Variants in DLG2 observed in about 807,000 individuals in gnomAD.
The protein encoded by DLG2 is disks large homolog 2.
In DLG2, 45 loss-of-function variants were observed where a neutral mutation model predicts 132.5. That is an observed-to-expected ratio of 0.34 (90% CI 0.27 to 0.44). The LOEUF (loss-of-function observed/expected upper bound fraction) is 0.44, where lower values mean the gene tolerates loss of function less well. Among genes scored for constraint, DLG2 ranks in the 20% least tolerant of loss-of-function variants. The probability of loss-of-function intolerance (pLI) is 1.00; values close to 1 mark genes in which losing one functional copy is unlikely to be tolerated. For missense variants in DLG2, 1,045 were observed against 1,196.9 expected (o/e 0.87, Z 1.87); for synonymous variants, 424 against 419.6 (o/e 1.01, Z -0.13).
In DLG2 at chr11:85,264,530, G is replaced by T. The variant is rs558068379; in HGVS notation, c.186+20690C>A. On this transcript the variant is annotated intron_variant, in intron 4 of 27. Coordinates refer to ENST00000376104, the MANE Select transcript of DLG2 (RefSeq NM_001142699.3). ...GCCAGCCATCATTAGATACATTTTT[G>T]ATTGAAAATGGTTAATACTCAGTTT... Among the ~76,000 whole-genome samples, 6 of 152,244 alleles carry T rather than the reference G, an allele frequency of 3.9e-5. No individual in the cohort carries two copies. The South Asian group carries it at 8.3e-4, about 21-fold the overall frequency.
At chr11:84,606,702 G>T (rs995819674) in intron 6 of DLG2, among the ~76,000 whole-genome samples, 1 of 152,046 alleles carries the variant, frequency 6.6e-6, no homozygotes, top group Admixed American at 6.6e-5. Flanking sequence ...AAGTGCACTC[G>T]CATTATGAAA....
intron 15 of DLG2, among the ~76,000 whole-genome samples, chr11:83,909,092 G>A (rs2075585330): frequency 6.6e-6 from 1 of 152,136 alleles, no homozygotes; most frequent in Admixed American, 6.6e-5. Flanking sequence ...GTATCATCTT[G>A]AAGGAATGAA....
chr11:84,992,439 A>G (rs1477122738), intron 6 of DLG2, among the ~76,000 whole-genome samples: 1 of 152,240 alleles, frequency 6.6e-6, no homozygotes, highest in Non-Finnish European at 1.5e-5. Flanking sequence ...TGTTATGCTT[A>G]AAGAAGATAC....
chr11:85,345,120 A>G (rs1233599154), intron 3 of DLG2, among the ~76,000 whole-genome samples: 1 of 152,150 alleles, frequency 6.6e-6, no homozygotes, highest in Non-Finnish European at 1.5e-5. Flanking sequence ...AAAAGCCAAC[A>G]CTGTGAAAAT....
rs766162464 is a variant in DLG2, at chr11:84,400,019, G to A, written c.519+134551C>T. On this transcript the variant is annotated intron_variant, in intron 7 of 27. Transcript: ENST00000376104. ...ACTATGGTAGATCCTCAACAGCTCAGTTAATACATGTTTGAAAATTCTGCT... is the reference window on the plus strand; with the variant it reads ...ACTATGGTAGATCCTCAACAGCTCAATTAATACATGTTTGAAAATTCTGCT... Among the ~76,000 whole-genome samples the A allele has an allele frequency of 3.9e-5, 6 of 152,306 alleles. No homozygotes were observed. In the South Asian group the frequency reaches 8.3e-4, roughly 21 times the overall value.
chr11:83,671,486 C>G (rs896853478), intron 18 of DLG2, among the ~76,000 whole-genome samples: 31 of 152,026 alleles, frequency 2.0e-4, no homozygotes, highest in Admixed American at 4.6e-4. Context: ...CTAATGAGCT[C>G]CCTCTGGTGA....
In DLG2 at chr11:85,468,617, C is replaced by T. The variant is rs527662962; in HGVS notation, c.40+130040G>A. On this transcript the variant is annotated intron_variant, in intron 3 of 27. Transcript: ENST00000376104. Reference sequence around the variant, plus strand: ...GTTGTTCAGTTTCCATGTAGTTGAGCGGTTTTGAGTGAGTTTCTTAATCTT... The same window carrying T: ...GTTGTTCAGTTTCCATGTAGTTGAGTGGTTTTGAGTGAGTTTCTTAATCTT... Among the ~76,000 whole-genome samples, 303 of 152,158 alleles carry T rather than the reference C, an allele frequency of 2.0e-3. 2 individuals are homozygous for T. Among genetic ancestry groups the T allele is most frequent in the Admixed American group, 5.1e-3 (78 of 15,256 alleles).
intron 11 of DLG2, among the ~76,000 whole-genome samples, chr11:84,058,223 G>A (rs1454723462): frequency 6.6e-6 from 1 of 152,086 alleles, no homozygotes; most frequent in African/African-American, 2.4e-5. Flanking sequence ...AAAGAGTACA[G>A]TGATTATTTG....
At chr11:83,893,454 G>A (rs966284388) in intron 15 of DLG2, among the ~76,000 whole-genome samples, 5 of 152,032 alleles carry the variant, frequency 3.3e-5, no homozygotes, top group African/African-American at 7.3e-5. Context: ...AGATATTTTC[G>A]CTAGTTCTCT....
At chr11:84,034,052 G>A (rs1825330) in intron 11 of DLG2, among the ~76,000 whole-genome samples, 2,552 of 152,102 alleles carry the variant, frequency 0.017, 26 homozygotes, top group Non-Finnish European at 0.025. Context: ...TTGCACTCCA[G>A]CCCGGGCAAC....
intron 7 of DLG2, among the ~76,000 whole-genome samples, chr11:84,410,574 CTTTTTTTTTT>C (rs367980167): frequency 3.7e-5 from 4 of 109,126 alleles, no homozygotes; most frequent in African/African-American, 1.4e-4. Flanking sequence ...ACCACATAAA[CTTTTTTTTTT>C]TTTTTTTTTT....
At chr11:83,463,565 G>C (rs1232116953) in intron 26 of DLG2, among the ~76,000 whole-genome samples, 2 of 152,200 alleles carry the variant, frequency 1.3e-5, no homozygotes, top group Non-Finnish European at 2.9e-5. Flanking sequence ...GAGGCAGGTG[G>C]ATCACTTGTG....
intron 5 of DLG2, among the ~76,000 whole-genome samples, chr11:85,150,010 ATTTTTTTT>A (rs962380618): frequency 4.5e-5 from 5 of 112,304 alleles, no homozygotes; most frequent in South Asian, 5.7e-4. Context: ...TCAGTTTTTA[ATTTTTTTT>A]TTTTTTTTTT....
At chr11:84,327,548 T>A (rs2098438583) in intron 7 of DLG2, among the ~76,000 whole-genome samples, 1 of 152,174 alleles carries the variant, frequency 6.6e-6, no homozygotes, top group South Asian at 2.1e-4. Flanking sequence ...TTCTCTCTTG[T>A]TGCTTTTGAT....
At position 83,908,198 on chromosome 11, in the gene DLG2, A is replaced by G. The variant is rs1295308698; in HGVS notation, c.1496+22130T>C. The stretch of plus-strand genomic sequence containing the variant: ...TCTAAGTATCCGTATACTTATTGCC[A>G]TCTGGCAAAGAATAAGCTTTTAATG... On this transcript the variant is annotated intron_variant, in intron 15 of 27. Transcript: ENST00000376104. Among the ~76,000 whole-genome samples, 4 of 152,190 alleles carry G rather than the reference A, an allele frequency of 2.6e-5. No individual in the cohort carries two copies. The East Asian group carries it at 7.7e-4, about 29-fold the overall frequency.
At chr11:83,781,812 A>C (rs545857209) in intron 18 of DLG2, among the ~76,000 whole-genome samples, 1 of 152,274 alleles carries the variant, frequency 6.6e-6, no homozygotes, top group South Asian at 2.1e-4. Flanking sequence ...TTTCAAACCT[A>C]ATCAGTTATC....
intron 6 of DLG2, among the ~76,000 whole-genome samples, chr11:84,918,409 AGATATAGACAC>A (rs2092595907): frequency 6.6e-6 from 1 of 152,160 alleles, no homozygotes; most frequent in Admixed American, 6.5e-5. Flanking sequence ...CTTCGAAGAT[AGATATAGACAC>A]CCTGTACTGT....
At chr11:83,502,154 T>C (rs11233643) in intron 21 of DLG2, among the ~76,000 whole-genome samples, 51,233 of 152,028 alleles carry the variant, frequency 0.34, 8,860 homozygotes, top group Middle Eastern at 0.45. Flanking sequence ...TTTCCACATA[T>C]CAAGTCCTAT....
intron 3 of DLG2, among the ~76,000 whole-genome samples, chr11:85,569,646 T>C (rs2077729936): frequency 1.3e-5 from 2 of 152,006 alleles, no homozygotes; most frequent in Admixed American, 1.3e-4. Context: ...CTCAGAGAAA[T>C]GGAAATTAAA....
Sources: allele counts gnomAD v4.1 joint callset (sites outside exome capture counted in the v4.1 genomes callset), GRCh38; gene constraint gnomAD v4.1.1; transcripts MANE v1.5; gene names NCBI Gene and HGNC (gene_info 2026-07-23, HGNC 2026-07-21).